Variants in MSH3 observed in about 807,000 individuals in gnomAD.
MSH3 encodes the protein DNA mismatch repair protein Msh3.
MSH3 carries 106 observed loss-of-function variants against 123.3 expected under a neutral mutation model. The observed-to-expected ratio is 0.86, with a 90% CI of 0.73 to 1.01. The LOEUF is 1.01. MSH3 is among the 50% of genes least tolerant of loss of function. The pLI is 0.00. For synonymous variants in MSH3, 515 were observed against 481.4 expected (o/e 1.07, Z -0.91); for missense variants, 1,459 against 1,347.6 (o/e 1.08, Z -1.29).
rs372828270 is a variant in MSH3 at position 80,665,421 on chromosome 5, T to C, written c.579+58T>C. 5.3e-6 allele frequency: 7 copies of C among 1,325,280 alleles called. 1 individual carries two copies. In the African/African-American group the frequency reaches 8.7e-5, roughly 16 times the overall value. 82.1% of individuals were successfully genotyped at this position (1,325,280 alleles called of 1,614,324 possible). A position where few individuals can be genotyped will look rare whatever the true frequency, so the allele number is the denominator to read the frequency against. On this transcript the variant is annotated intron_variant, in intron 3 of 23. Coordinates refer to ENST00000265081, the MANE Select transcript of MSH3 (RefSeq NM_002439.5). ...CCTAGAATAGTGGGTTCTGAAGTAC[T>C]GTCAGGTTCTCTGAGGTCATTCATG...
intron 12 of MSH3, among the ~76,000 whole-genome samples, chr5:80,755,218 T>C (rs1280049503): frequency 6.6e-6 from 1 of 152,132 alleles, no homozygotes; most frequent in Non-Finnish European, 1.5e-5. Context: ...TGAACCCGAG[T>C]GCCTCTTACT....
chr5:80,849,703 G>A (rs554493903), intron 20 of MSH3, among the ~76,000 whole-genome samples: 3 of 152,082 alleles, frequency 2.0e-5, no homozygotes, highest in Non-Finnish European at 4.4e-5. Flanking sequence ...CACAGCGGGG[G>A]TCTACAGGCC....
intron 8 of MSH3, among the ~76,000 whole-genome samples, chr5:80,714,534 T>G (rs184327459): frequency 1.2e-3 from 183 of 152,300 alleles, no homozygotes; most frequent in African/African-American, 4.0e-3. Flanking sequence ...TTTTATAACT[T>G]TAACCAGTTT....
intron 18 of MSH3, among the ~76,000 whole-genome samples, chr5:80,788,005 G>C (rs1369551494): frequency 1.6e-4 from 25 of 152,186 alleles, no homozygotes; most frequent in Admixed American, 1.6e-3. Context: ...GATAGGGACT[G>C]AGGGGCATTT....
chr5:80,822,542 C>T (rs186637705), intron 20 of MSH3, among the ~76,000 whole-genome samples: 3 of 152,026 alleles, frequency 2.0e-5, no homozygotes, highest in Non-Finnish European at 4.4e-5. Flanking sequence ...GGTTTTTGCA[C>T]CTATAAAACA....
chr5:80,712,894 T>C (rs773526829), intron 8 of MSH3, among the ~76,000 whole-genome samples: 3 of 152,168 alleles, frequency 2.0e-5, no homozygotes, highest in Non-Finnish European at 2.9e-5. Flanking sequence ...ATGAGTTTCA[T>C]AGTAATTCTA....
intron 20 of MSH3, among the ~76,000 whole-genome samples, chr5:80,835,428 A>G (rs152412): frequency 0.19 from 28,215 of 152,204 alleles, 3,459 homozygotes; most frequent in Non-Finnish European, 0.28. Context: ...CCAGAGAGGA[A>G]GGTATTAGCA....
At chr5:80,741,657 T>C in intron 11 of MSH3, 109 bp downstream of exon 11, 6 of 778,480 alleles carry the variant, frequency 7.7e-6, no homozygotes, top group South Asian at 7.0e-5. Flanking sequence ...TGTCTTTAGC[T>C]GACTGCAGTA....
At chr5:80,819,504 G>A (rs1427348415) in intron 20 of MSH3, among the ~76,000 whole-genome samples, 1 of 147,494 alleles carries the variant, frequency 6.8e-6, no homozygotes, top group African/African-American at 2.5e-5. Flanking sequence ...TTGAGACGGA[G>A]TTTCGCTCCT....
At chr5:80,731,349 T>C (rs1400816701) in intron 10 of MSH3, among the ~76,000 whole-genome samples, 3 of 152,146 alleles carry the variant, frequency 2.0e-5, no homozygotes, top group African/African-American at 7.2e-5. Flanking sequence ...CATCTCATAA[T>C]TGATGGTGGA....
At position 80,659,838 on chromosome 5, in the gene MSH3, A is replaced by G. The variant is rs115106170; in HGVS notation, c.358+3307A>G. Among the ~76,000 whole-genome samples the G allele has an allele frequency of 6.3e-3, 966 of 152,196 alleles. 7 individuals carry two copies. The highest frequency in any genetic ancestry group is 0.022 in the African/African-American group (923 of 41,496). Reference sequence around the variant, plus strand: ...GCCTACCATTCAGCTTTCTGTCTCTATCATTTTGGCTACTCTATAATGCAT... The same window carrying G: ...GCCTACCATTCAGCTTTCTGTCTCTGTCATTTTGGCTACTCTATAATGCAT... On this transcript the variant is annotated intron_variant, in intron 2 of 23. Transcript: ENST00000265081.
chr5:80,777,657 T>C (rs1744328943), intron 16 of MSH3, among the ~76,000 whole-genome samples: 1 of 152,178 alleles, frequency 6.6e-6, no homozygotes, highest in Non-Finnish European at 1.5e-5. Flanking sequence ...TCATTGCAGT[T>C]TATCTGTTTG....
chr5:80,840,389 A>G (rs953710540), intron 20 of MSH3, among the ~76,000 whole-genome samples: 2 of 151,374 alleles, frequency 1.3e-5, no homozygotes, highest in African/African-American at 4.9e-5. Context: ...TTCGACTGCT[A>G]CTCTTCCTTG....
chr5:80,819,481 AT>A lies in MSH3; in HGVS notation c.2813+5754del, dbSNP rs1268091436. On this transcript the variant is annotated intron_variant, in intron 20 of 23. Coordinates refer to ENST00000265081, the MANE Select transcript of MSH3 (RefSeq NM_002439.5). ...GTGTGTGTGTGTATATATATATATAATTTTTTTTTTTTTTGAGACGGAGTTT... is the reference window on the plus strand; with the variant it reads ...GTGTGTGTGTGTATATATATATATAATTTTTTTTTTTTTGAGACGGAGTTT... Among the ~76,000 whole-genome samples the A allele has an allele frequency of 6.8e-3, 803 of 118,208 alleles. 13 individuals are homozygous for A. Among genetic ancestry groups the A allele is most frequent in the African/African-American group, 0.019 (653 of 34,122 alleles). The allele number at this position is 118,208 out of a possible 152,430, so 77.5% of individuals were successfully genotyped here.
intron 8 of MSH3, among the ~76,000 whole-genome samples, chr5:80,691,973 A>C (rs1054153324): frequency 1.1e-5 from 1 of 88,574 alleles, no homozygotes; most frequent in East Asian, 2.7e-4. Context: ...ATATGTTTAT[A>C]TAGATAAACA....
intron 8 of MSH3, among the ~76,000 whole-genome samples, chr5:80,701,111 T>C (rs1260963071): frequency 2.6e-5 from 4 of 152,212 alleles, no homozygotes; most frequent in Non-Finnish European, 5.9e-5. Flanking sequence ...TTAAATGATT[T>C]ATTATTAGCA....
chr5:80,866,871 ATTTTG>A (rs1166682743), intron 22 of MSH3, among the ~76,000 whole-genome samples: 2 of 151,642 alleles, frequency 1.3e-5, no homozygotes, highest in African/African-American at 4.9e-5. Flanking sequence ...CATTTTTTCC[ATTTTG>A]TTTTGTTTTG....
chr5:80,875,852 T>G lies in MSH3; in HGVS notation c.3404T>G (p.Leu1135Arg), dbSNP rs148947624. 28 of 1,599,870 alleles carry G rather than the reference T, an allele frequency of 1.8e-5. No homozygotes were observed. In the African/African-American group the frequency reaches 3.6e-4, roughly 21 times the overall value. Residue 1135 changes from leucine (L) to arginine (R), a missense_variant, in exon 24 of 24, where the codon CTT becomes CGT. Coordinates refer to ENST00000265081, the MANE Select transcript of MSH3 (RefSeq NM_002439.5). ...EFNMEETQTS[L>R]LH ...AACATGGAAGAAACACAGACTTCTC[T>G]TCTTCATTAAAATGAAGACTACATT...
chr5:80,828,204 A>C (rs1052309994), intron 20 of MSH3, among the ~76,000 whole-genome samples: 1 of 152,184 alleles, frequency 6.6e-6, no homozygotes, highest in Non-Finnish European at 1.5e-5. Flanking sequence ...TGCCTCATAA[A>C]ATGGCAGAAG....
Sources: gnomAD v4.1 joint callset for allele counts (sites outside exome capture counted in the v4.1 genomes callset) on GRCh38, gnomAD v4.1.1 for gene constraint, MANE v1.5 for transcripts, NCBI Gene and HGNC (gene_info 2026-07-23, HGNC 2026-07-21) for gene names.